UQCRC1: variants seen among roughly 807,000 people sequenced by gnomAD.
UQCRC1 encodes the protein cytochrome b-c1 complex subunit 1, mitochondrial.
UQCRC1 carries 34 observed loss-of-function variants against 58.0 expected under a neutral mutation model. That is an observed-to-expected ratio of 0.59 (90% CI 0.45 to 0.78). UQCRC1 has a LOEUF of 0.78. Among genes scored for constraint, UQCRC1 ranks in the 30% least tolerant of loss-of-function variants. UQCRC1 has a pLI of 0.00. For synonymous variants in UQCRC1, 276 were observed against 248.8 expected, an observed-to-expected ratio of 1.11 and a Z score of -1.03; for missense variants, 610 against 646.0, an observed-to-expected ratio of 0.94 and a Z score of 0.60.
rs755099413 is a variant in UQCRC1, at chr3:48,600,985, CCAT to C, written c.953_955del (p.Tyr318_Gly319delinsCys). The C allele has an allele frequency of 1.0e-5, 16 of 1,604,758 alleles. No individual in the cohort carries two copies. Among genetic ancestry groups the C allele is most frequent in the East Asian group, 4.5e-5 (2 of 44,604 alleles). On this transcript the variant is annotated inframe_deletion, in exon 8 of 13. Transcript: ENST00000203407. ...CGCGCTGGCACTCACCACGCCACCA[CCAT>C]AAGTGCAGTCATAGTGGCCGATGAT...
At chr3:48,607,994 G>C (rs1472332078) in intron 2 of UQCRC1, among the ~76,000 whole-genome samples, 1 of 152,124 alleles carries the variant, frequency 6.6e-6, no homozygotes, top group Non-Finnish European at 1.5e-5. Flanking sequence ...GCTAATTTTT[G>C]TATTTTTAGT....
intron 6 of UQCRC1, among the ~76,000 whole-genome samples, chr3:48,601,958 A>C (rs1458710536): frequency 2.0e-5 from 3 of 152,070 alleles, no homozygotes; most frequent in Non-Finnish European, 4.4e-5. Context: ...GGACATTTGC[A>C]AATAATGTTA....
At position 48,599,590 on chromosome 3, in the gene UQCRC1, C is replaced by T. The variant is rs769573531; in HGVS notation, c.1378+45G>A. On this transcript the variant is annotated intron_variant, in intron 12 of 12. Transcript: ENST00000203407. ...GAGGTGGAAGGGGAGGCCAAGAGAA[C>T]GGCCTGAGGAAATAAACAAAGAGCA... is the stretch of plus-strand genomic sequence containing the variant. The T allele has an allele frequency of 9.4e-6, 15 of 1,594,686 alleles. No individual in the cohort carries two copies. In the South Asian group the frequency reaches 9.9e-5, roughly 11 times the overall value.
At position 48,600,466 on chromosome 3, in the gene UQCRC1, G is replaced by A; in HGVS notation, c.1213+16C>T. On this transcript the variant is annotated intron_variant, in intron 10 of 12. Coordinates refer to ENST00000203407, the MANE Select transcript of UQCRC1 (RefSeq NM_003365.3). ...AAGATGTACTCTACCCCTCCCCGCT[G>A]AGCTGTAGGACTCACCATCTAGATG... The A allele has an allele frequency of 6.2e-7, 1 of 1,614,024 alleles. No homozygotes were observed. The highest frequency in any genetic ancestry group is 8.5e-7 in the Non-Finnish European group (1 of 1,179,958).
chr3:48,605,349 C>A lies in UQCRC1; in HGVS notation c.297+421G>T, dbSNP rs746648073. Among the ~76,000 whole-genome samples the A allele has an allele frequency of 5.2e-4, 79 of 152,214 alleles. 1 individual carries two copies. Among genetic ancestry groups the A allele is most frequent in the Admixed American group, 8.5e-4 (13 of 15,280 alleles). On this transcript the variant is annotated intron_variant, in intron 3 of 12. Transcript: ENST00000203407. The stretch of plus-strand genomic sequence containing the variant: ...TACTATGGCTCCATGGCCCTGCCCA[C>A]CCCATAATCCTTCTCCATGTTTTTC...
intron 2 of UQCRC1, among the ~76,000 whole-genome samples, chr3:48,608,603 G>C (rs188560241): frequency 1.1e-3 from 160 of 152,320 alleles, no homozygotes; most frequent in Middle Eastern, 6.8e-3. Flanking sequence ...CTGGGGCTGG[G>C]GGCTGAAAGG....
rs757369763 is a variant in UQCRC1 at position 48,600,734 on chromosome 3, A to G, written c.1073T>C (p.Phe358Ser). The G allele has an allele frequency of 6.2e-7, 1 of 1,614,028 alleles. No individual in the cohort carries two copies. Among genetic ancestry groups the G allele is most frequent in the Non-Finnish European group, 8.5e-7 (1 of 1,180,022 alleles). Residue 358 changes from phenylalanine (F) to serine (S), a missense_variant, in exon 9 of 13, where the codon TTT (phenylalanine) becomes TCT (serine). Coordinates refer to ENST00000203407, the MANE Select transcript of UQCRC1 (RefSeq NM_003365.3). ...ATCGATTTTCATTCGGTCACAGACAAAGTGTGCACCCAGCAAGCCCGTCTC... is the reference window on the plus strand; with the variant it reads ...ATCGATTTTCATTCGGTCACAGACAGAGTGTGCACCCAGCAAGCCCGTCTC... ...YAETGLLGAH[F>S]VCDRMKIDDM...
At chr3:48,599,242 G>A (rs747290917) in intron 12 of UQCRC1, 50 bp from the exon 13 acceptor site, 8 of 1,545,742 alleles carry the variant, frequency 5.2e-6, no homozygotes, top group Non-Finnish European at 6.1e-6. Flanking sequence ...CCTGCACAGG[G>A]ACACCTGGCC....
rs754578893 is a variant in UQCRC1 at position 48,603,547 on chromosome 3, G to A, written c.706+17C>T. 6.2e-7 allele frequency: 1 copy of A among 1,612,820 alleles called. No individual in the cohort carries two copies. Among genetic ancestry groups the A allele is most frequent in the Non-Finnish European group, 8.5e-7 (1 of 1,179,686 alleles). The stretch of plus-strand genomic sequence containing the variant: ...TGGGACCCCACTACCCAGGACTTCA[G>A]TGATTCCATCACTCACCTCCAGCTG... On this transcript the variant is annotated intron_variant, in intron 6 of 12. Coordinates refer to ENST00000203407, the MANE Select transcript of UQCRC1 (RefSeq NM_003365.3).
intron 11 of UQCRC1, 130 bp downstream of exon 11, chr3:48,599,933 C>A (rs1158783540): frequency 7.5e-6 from 9 of 1,195,216 alleles, no homozygotes; most frequent in Non-Finnish European, 4.8e-6. Flanking sequence ...GCTACCCCTG[C>A]AGGTGACAGC....
intron 7 of UQCRC1, 108 bp downstream of exon 7, chr3:48,601,244 C>G (rs2046362725): frequency 4.6e-6 from 7 of 1,535,722 alleles, no homozygotes; most frequent in Non-Finnish European, 6.2e-6. Context: ...CCACAGAACC[C>G]CTTCCCAACT....
intron 2 of UQCRC1, among the ~76,000 whole-genome samples, chr3:48,607,511 A>G (rs1423844371): frequency 6.6e-6 from 1 of 151,784 alleles, no homozygotes; most frequent in Non-Finnish European, 1.5e-5. Flanking sequence ...ATGGGGTACA[A>G]GCACAATTTT....
Position 48,600,534 on chromosome 3 carries a change from C to T in UQCRC1, c.1161G>A (p.Glu387=), listed in dbSNP as rs747574788. Residue 387 remains glutamate (E), a synonymous_variant, in exon 10 of 13, where the codon GAG becomes GAA. Transcript: ENST00000203407. The part of the protein sequence containing the change: ...MRLCTSATES[E]VARGKNILRN... ...TGAGGATGTTTTTGCCCCGGGCCAC[C>T]TCACTCTCCGTGGCACTGGTACACA... 1.2e-6 allele frequency: 2 copies of T among 1,614,030 alleles called. No homozygotes were observed. Among genetic ancestry groups the T allele is most frequent in the Admixed American group, 1.7e-5 (1 of 59,994 alleles).
intron 6 of UQCRC1, among the ~76,000 whole-genome samples, chr3:48,603,252 A>G (rs1317905913): frequency 5.3e-5 from 8 of 152,204 alleles, no homozygotes; most frequent in Non-Finnish European, 1.2e-4. Flanking sequence ...CCCAAGGGCA[A>G]GGCCACAAGG....
chr3:48,604,789 A>G lies in UQCRC1; in HGVS notation c.298-9T>C. ...GGCCGATTCTTTGTTCCCTGGAACC[A>G]GATATCAACCAGAACAATCAGGAGC... On this transcript the variant is annotated splice_polypyrimidine_tract_variant and intron_variant, in intron 3 of 12. Transcript: ENST00000203407. The G allele has an allele frequency of 1.9e-6, 3 of 1,613,956 alleles. No homozygotes were observed. The highest frequency in any genetic ancestry group is 2.5e-6 in the Non-Finnish European group (3 of 1,179,974).
chr3:48,602,558 T>C (rs1159598795), intron 6 of UQCRC1, among the ~76,000 whole-genome samples: 1 of 150,148 alleles, frequency 6.7e-6, no homozygotes, highest in Admixed American at 6.6e-5. Flanking sequence ...AGTTTCACTC[T>C]GTTGTGCAGG....
In UQCRC1 at chr3:48,609,252, C is replaced by CTGAGCGAAGGTT. The variant is rs564332864; in HGVS notation, c.108_119dup (p.Thr37_Gln40dup). On this transcript the variant is annotated inframe_insertion, in exon 2 of 13. Coordinates refer to ENST00000203407, the MANE Select transcript of UQCRC1 (RefSeq NM_003365.3). ...GCGTCTCCGGCACGAACTGGAGCGCCTGAGCGAAGGTTGCCGTACTCCGCA... is the reference window on the plus strand; with the variant it reads ...GCGTCTCCGGCACGAACTGGAGCGCCTGAGCGAAGGTTTGAGCGAAGGTTGCCGTACTCCGCA... The CTGAGCGAAGGTT allele has an allele frequency of 6.7e-4, 1,085 of 1,612,776 alleles. 2 individuals are homozygous for CTGAGCGAAGGTT. The highest frequency in any genetic ancestry group is 9.9e-4 in the Middle Eastern group (6 of 6,050).
chr3:48,606,634 C>G (rs1296457989), intron 2 of UQCRC1, among the ~76,000 whole-genome samples: 2 of 151,698 alleles, frequency 1.3e-5, no homozygotes, highest in Non-Finnish European at 2.9e-5. Context: ...GTAGTCCTAG[C>G]TACTTGGGAG....
At chr3:48,602,292 C>T (rs974436763) in intron 6 of UQCRC1, among the ~76,000 whole-genome samples, 1 of 152,010 alleles carries the variant, frequency 6.6e-6, no homozygotes, top group African/African-American at 2.4e-5. Context: ...ATCTTGTGAT[C>T]CGCCCGCCTC....
Sources: allele counts gnomAD v4.1 joint callset (sites outside exome capture counted in the v4.1 genomes callset), GRCh38; gene constraint gnomAD v4.1.1; transcripts MANE v1.5; gene names NCBI Gene and HGNC (gene_info 2026-07-23, HGNC 2026-07-21).